The following DOCK3 variants were observed in gnomAD, a reference collection of about 807,000 sequenced individuals.
DOCK3 encodes dedicator of cytokinesis protein 3.
DOCK3 carries 60 observed loss-of-function variants against 265.6 expected under a neutral mutation model. The observed-to-expected ratio is 0.23, with a 90% CI of 0.18 to 0.28. The LOEUF (loss-of-function observed/expected upper bound fraction) is 0.28. DOCK3 is among the 10% of genes least tolerant of loss of function. The probability of loss-of-function intolerance (pLI) is 1.00; values close to 1 mark genes in which losing one functional copy is unlikely to be tolerated. For synonymous variants in DOCK3, 881 were observed against 938.0 expected (o/e 0.94, Z 1.11); for missense variants, 1,981 against 2,594.3 (o/e 0.76, Z 5.14).
At chr3:51,009,908 T>C (rs2078872764) in intron 5 of DOCK3, among the ~76,000 whole-genome samples, 1 of 152,334 alleles carries the variant, frequency 6.6e-6, no homozygotes. Context: ...GTTGTTCAGT[T>C]TCCATGTAGT....
chr3:51,213,319 A>G (rs2089614343), intron 13 of DOCK3, among the ~76,000 whole-genome samples: 1 of 152,088 alleles, frequency 6.6e-6, no homozygotes, highest in African/African-American at 2.4e-5. Flanking sequence ...TAGAGGTAAC[A>G]CTTCCTAATT....
At chr3:50,959,556 GTGTA>G (rs1202956487) in intron 5 of DOCK3, among the ~76,000 whole-genome samples, 14 of 141,542 alleles carry the variant, frequency 9.9e-5, no homozygotes, top group African/African-American at 3.4e-4. Context: ...GTGTGTGTGT[GTGTA>G]TATATATATA....
At chr3:50,935,954 T>C (rs1387163771) in intron 5 of DOCK3, among the ~76,000 whole-genome samples, 1 of 151,844 alleles carries the variant, frequency 6.6e-6, no homozygotes, top group Admixed American at 6.6e-5. Flanking sequence ...ATCAGGAAAA[T>C]AGAAACTCAA....
At chr3:51,201,151 C>G (rs973330565) in intron 12 of DOCK3, among the ~76,000 whole-genome samples, 1 of 150,760 alleles carries the variant, frequency 6.6e-6, no homozygotes, top group Admixed American at 6.6e-5. Context: ...ATCATAATGA[C>G]AGGATCAAAT....
intron 9 of DOCK3, among the ~76,000 whole-genome samples, chr3:51,111,733 C>T (rs1041180560): frequency 6.6e-6 from 1 of 152,102 alleles, no homozygotes; most frequent in Non-Finnish European, 1.5e-5. Flanking sequence ...ATTTAAAGAG[C>T]TTCTGCATGG....
At chr3:50,805,353 C>G (rs1054683279) in intron 2 of DOCK3, among the ~76,000 whole-genome samples, 32 of 152,114 alleles carry the variant, frequency 2.1e-4, no homozygotes, top group African/African-American at 7.0e-4. Flanking sequence ...GGGGCTGTTT[C>G]TCTGGGTGGG....
At chr3:50,717,352 A>G (rs141250394) in intron 1 of DOCK3, among the ~76,000 whole-genome samples, 152 of 152,234 alleles carry the variant, frequency 1.0e-3, no homozygotes, top group Non-Finnish European at 1.8e-3. Context: ...CTTTTTTTAT[A>G]TAGATCTTGC....
intron 7 of DOCK3, among the ~76,000 whole-genome samples, chr3:51,076,414 A>G (rs2082059110): frequency 6.6e-6 from 1 of 152,198 alleles, no homozygotes; most frequent in Non-Finnish European, 1.5e-5. Flanking sequence ...CAGCTTGGAC[A>G]ACATAGTGAG....
At chr3:50,793,330 C>T in intron 2 of DOCK3, among the ~76,000 whole-genome samples, 1 of 147,158 alleles carries the variant, frequency 6.8e-6, no homozygotes, top group Non-Finnish European at 1.5e-5. Context: ...AGCCATCTAT[C>T]TGTTTTATTA....
intron 1 of DOCK3, among the ~76,000 whole-genome samples, chr3:50,701,188 T>C (rs1468658710): frequency 1.3e-5 from 2 of 150,218 alleles, no homozygotes; most frequent in African/African-American, 4.9e-5. Flanking sequence ...TGGAGTGCCG[T>C]GGCAGGATCA....
chr3:50,988,079 C>T (rs964263719), intron 5 of DOCK3, among the ~76,000 whole-genome samples: 1 of 152,216 alleles, frequency 6.6e-6, no homozygotes, highest in Non-Finnish European at 1.5e-5. Context: ...GACCCACTGG[C>T]TTGGATTTCC....
intron 9 of DOCK3, among the ~76,000 whole-genome samples, chr3:51,094,609 A>T (rs963452232): frequency 6.6e-6 from 1 of 151,978 alleles, no homozygotes; most frequent in African/African-American, 2.4e-5. Context: ...TTACAAAAAA[A>T]TGAACTCCTG....
chr3:50,989,264 A>G (rs544841073), intron 5 of DOCK3, among the ~76,000 whole-genome samples: 1 of 152,158 alleles, frequency 6.6e-6, no homozygotes, highest in East Asian at 1.9e-4. Flanking sequence ...CGGCAAAGCT[A>G]CTACTAAGAT....
chr3:51,074,343 A>T (rs2081982615), intron 6 of DOCK3, among the ~76,000 whole-genome samples: 1 of 152,198 alleles, frequency 6.6e-6, no homozygotes, highest in Non-Finnish European at 1.5e-5. Context: ...AGAGTGCAAG[A>T]AAAGAGCTAA....
intron 5 of DOCK3, among the ~76,000 whole-genome samples, chr3:51,006,252 C>CTTTTTTT (rs11435468): frequency 6.9e-6 from 1 of 143,972 alleles, no homozygotes; most frequent in Non-Finnish European, 1.5e-5. Context: ...CCCAATCCTG[C>CTTTTTTT]TTTTTTTTTT....
intron 9 of DOCK3, among the ~76,000 whole-genome samples, chr3:51,140,995 CTG>C (rs2085034889): frequency 6.6e-6 from 1 of 152,056 alleles, no homozygotes; most frequent in Admixed American, 6.6e-5. Flanking sequence ...AGTCCCTTAT[CTG>C]TATATGATTT....
chr3:51,129,399 G>C (rs1460639654), intron 9 of DOCK3, among the ~76,000 whole-genome samples: 2 of 152,230 alleles, frequency 1.3e-5, no homozygotes, highest in Non-Finnish European at 2.9e-5. Context: ...CATCAGTGCA[G>C]GCTAGGGGAG....
intron 2 of DOCK3, among the ~76,000 whole-genome samples, chr3:50,782,904 C>G (rs2041995952): frequency 6.6e-6 from 1 of 151,676 alleles, no homozygotes; most frequent in Admixed American, 6.6e-5. Context: ...TTTTTCATTC[C>G]TGAGTTACTT....
intron 2 of DOCK3, among the ~76,000 whole-genome samples, chr3:50,823,622 C>G (rs1468354947): frequency 2.0e-5 from 3 of 152,346 alleles, no homozygotes; most frequent in East Asian, 3.9e-4. Context: ...ACCTTTCCCC[C>G]CTTGCTATTC....
Sources: gnomAD v4.1 joint callset for allele counts (sites outside exome capture counted in the v4.1 genomes callset) on GRCh38, gnomAD v4.1.1 for gene constraint, MANE v1.5 for transcripts, NCBI Gene and HGNC (gene_info 2026-07-23, HGNC 2026-07-21) for gene names.